Variants in RPGRIP1L observed in about 807,000 individuals in gnomAD.
The protein encoded by RPGRIP1L is RPGRIP1 like.
A neutral mutation model predicts 160.4 loss-of-function variants in RPGRIP1L; 131 were observed. The ratio of observed to expected loss-of-function variants is 0.82; its 90% CI spans 0.71 to 0.94. The LOEUF is 0.94. Ranked by LOEUF, RPGRIP1L falls within the 40% of genes least tolerant of loss-of-function variation. The probability of loss-of-function intolerance (pLI) is 0.00; values close to 1 mark genes in which losing one functional copy is unlikely to be tolerated. For missense variants in RPGRIP1L, 1,522 were observed against 1,535.8 expected (o/e 0.99, Z 0.15); for synonymous variants, 510 against 515.8 (o/e 0.99, Z 0.15).
chr16:53,694,026 A>G (rs571174179), intron 3 of RPGRIP1L: 1 of 152,348 alleles, frequency 6.6e-6, no homozygotes, highest in South Asian at 2.1e-4. Context: ...TTGTCAAGAA[A>G]CATGATTGCA....
At chr16:53,667,743 AAC>A (rs1968391093) in intron 9 of RPGRIP1L, among the ~76,000 whole-genome samples, 1 of 151,954 alleles carries the variant, frequency 6.6e-6, no homozygotes. Flanking sequence ...TGTGGTGACA[AAC>A]ACATGTAATC....
intron 22 of RPGRIP1L, among the ~76,000 whole-genome samples, chr16:53,623,064 T>C (rs187905657): frequency 9.2e-5 from 14 of 152,220 alleles, no homozygotes; most frequent in African/African-American, 2.9e-4. Flanking sequence ...GTTGAAAGCA[T>C]ATATTTCAGA....
At chr16:53,683,781 G>T (rs1277886486) in intron 6 of RPGRIP1L, among the ~76,000 whole-genome samples, 1 of 151,682 alleles carries the variant, frequency 6.6e-6, no homozygotes. Context: ...AAAGCACAAT[G>T]TCAAAGCAGA....
Position 53,638,003 on chromosome 16 carries a change from C to G in RPGRIP1L, c.3061-149G>C. On this transcript the variant is annotated intron_variant, in intron 20 of 26. Transcript: ENST00000647211. ...ATGTATGAGACTCAGAAAACAACCA[C>G]TTCAATTTGTACAAATGATAATATA... 5 of 752,834 alleles carry G rather than the reference C, an allele frequency of 6.6e-6. No homozygotes were observed. The South Asian group carries it at 8.0e-5, about 12-fold the overall frequency. The allele number at this position is 752,834 out of a possible 1,614,324, so 46.6% of individuals were successfully genotyped here.
chr16:53,607,685 T>C (rs1963772573), intron 25 of RPGRIP1L, among the ~76,000 whole-genome samples: 1 of 152,168 alleles, frequency 6.6e-6, no homozygotes, highest in African/African-American at 2.4e-5. Context: ...ACTGAATATA[T>C]GAGAATTCTG....
intron 6 of RPGRIP1L, among the ~76,000 whole-genome samples, chr16:53,683,541 G>T (rs576875651): frequency 1.3e-5 from 2 of 152,170 alleles, no homozygotes; most frequent in African/African-American, 4.8e-5. Context: ...TATCAGTGAG[G>T]TGACATGATA....
intron 22 of RPGRIP1L, among the ~76,000 whole-genome samples, chr16:53,633,357 A>G (rs1442693285): frequency 1.1e-4 from 17 of 152,232 alleles, no homozygotes; most frequent in Admixed American, 1.1e-3. Flanking sequence ...GCATAACTGG[A>G]ATCTGATCTT....
intron 1 of RPGRIP1L, chr16:53,701,601 C>T (rs1256600434): frequency 6.6e-6 from 1 of 151,354 alleles, no homozygotes; most frequent in Non-Finnish European, 1.5e-5. Context: ...AATGAAGATA[C>T]TCTAAAGGGC....
chr16:53,620,575 A>T (rs1964642738), intron 23 of RPGRIP1L, among the ~76,000 whole-genome samples: 2 of 152,204 alleles, frequency 1.3e-5, no homozygotes, highest in Admixed American at 1.3e-4. Flanking sequence ...AATTTTTTCT[A>T]AAACCTAATA....
intron 1 of RPGRIP1L, 70 bp downstream of exon 1, chr16:53,703,733 C>G: frequency 3.5e-6 from 1 of 281,840 alleles, no homozygotes; most frequent in Non-Finnish European, 7.1e-6. Flanking sequence ...GGACCCCGGC[C>G]CGCGCTGCAG....
chr16:53,608,245 C>A (rs908732802), intron 25 of RPGRIP1L, among the ~76,000 whole-genome samples: 1 of 152,106 alleles, frequency 6.6e-6, no homozygotes, highest in African/African-American at 2.4e-5. Context: ...GTCCTCTTAT[C>A]CTTCATGAAC....
intron 16 of RPGRIP1L, among the ~76,000 whole-genome samples, chr16:53,648,403 T>C (rs914315471): frequency 6.6e-6 from 1 of 152,216 alleles, no homozygotes; most frequent in Non-Finnish European, 1.5e-5. Flanking sequence ...AACGGCTGTT[T>C]ATTTCCTTAA....
chr16:53,626,082 A>G (rs1230358173), intron 22 of RPGRIP1L, among the ~76,000 whole-genome samples: 1 of 143,710 alleles, frequency 7.0e-6, no homozygotes, highest in Non-Finnish European at 1.5e-5. Context: ...TCTCTCCACT[A>G]TTGTCCTATG....
chr16:53,603,347 T>C (rs1224234355), intron 26 of RPGRIP1L, among the ~76,000 whole-genome samples: 1 of 152,182 alleles, frequency 6.6e-6, no homozygotes, highest in Admixed American at 6.5e-5. Context: ...TTTTTTCTTT[T>C]AGACAGTATC....
At chr16:53,689,798 G>A (rs1318492975) in intron 4 of RPGRIP1L, among the ~76,000 whole-genome samples, 1 of 152,320 alleles carries the variant, frequency 6.6e-6, no homozygotes, top group African/African-American at 2.4e-5. Context: ...GATTAAGAAA[G>A]TATTCATCAC....
At chr16:53,636,397 G>A in intron 22 of RPGRIP1L, 42 bp downstream of exon 22, 1 of 1,337,318 alleles carries the variant, frequency 7.5e-7, no homozygotes, top group Non-Finnish European at 1.1e-6. Flanking sequence ...ATGAAAGGCA[G>A]CCTTATTTCA....
intron 26 of RPGRIP1L, among the ~76,000 whole-genome samples, chr16:53,603,332 T>C (rs1963482782): frequency 6.6e-6 from 1 of 152,176 alleles, no homozygotes; most frequent in Non-Finnish European, 1.5e-5. Flanking sequence ...TCATATAGTT[T>C]CTGTTTTTTT....
At chr16:53,664,390 C>T (rs62050415) in intron 10 of RPGRIP1L, among the ~76,000 whole-genome samples, 8,602 of 151,766 alleles carry the variant, frequency 0.057, 414 homozygotes, top group African/African-American at 0.13. Flanking sequence ...TTCTGCCACT[C>T]TCTGTCATCT....
intron 25 of RPGRIP1L, among the ~76,000 whole-genome samples, chr16:53,606,369 T>C (rs530044904): frequency 2.6e-5 from 4 of 152,332 alleles, no homozygotes; most frequent in African/African-American, 9.6e-5. Flanking sequence ...GCTTAAACCA[T>C]AGATGCTTGT....
Sources: gnomAD v4.1 joint callset for allele counts (sites outside exome capture counted in the v4.1 genomes callset) on GRCh38, gnomAD v4.1.1 for gene constraint, MANE v1.5 for transcripts, NCBI Gene and HGNC (gene_info 2026-07-23, HGNC 2026-07-21) for gene names.